PACS2: variants seen among roughly 807,000 people sequenced by gnomAD.
PACS2 encodes the protein phosphofurin acidic cluster sorting protein 2.
PACS2 carries 36 observed loss-of-function variants against 113.0 expected under a neutral mutation model. That is an observed-to-expected ratio of 0.32 (90% confidence interval 0.24 to 0.42). PACS2 has a LOEUF of 0.42. PACS2 is among the 10% of genes least tolerant of loss of function. The pLI is 1.00. For synonymous variants in PACS2, 589 were observed against 536.1 expected, an observed-to-expected ratio of 1.10 and a Z score of -1.36; for missense variants, 1,015 against 1,239.5, an observed-to-expected ratio of 0.82 and a Z score of 2.72.
intron 1 of PACS2, among the ~76,000 whole-genome samples, chr14:105,303,668 A>G (rs1374853255): frequency 6.6e-6 from 1 of 152,222 alleles, no homozygotes; most frequent in Non-Finnish European, 1.5e-5. Flanking sequence ...TGCACATTTC[A>G]ATGTGCTGTG....
rs190365374 is a variant in PACS2 at position 105,358,324 on chromosome 14, G to A, written c.423+3147G>A. 3.3e-5 allele frequency among the ~76,000 whole-genome samples: 5 copies of A among 152,328 alleles called. No homozygotes were observed. The highest frequency in any genetic ancestry group is 3.3e-4 in the Admixed American group (5 of 15,310). ...CATCAGGAGTGACCGCAGCCCCAGGGCCTGCTGGGCACGCGCCTCTGCCTG... is the reference window on the plus strand; with the variant it reads ...CATCAGGAGTGACCGCAGCCCCAGGACCTGCTGGGCACGCGCCTCTGCCTG... On this transcript the variant is annotated intron_variant, in intron 4 of 24. Coordinates refer to ENST00000447393, the MANE Select transcript of PACS2 (RefSeq NM_001100913.3). This position sits in a 1 kb window ranked among gnomAD's most constrained non-coding sequence, Gnocchi z 4.9.
At chr14:105,391,512 T>TTCCCCCCCCCCCCCC in intron 21 of PACS2, 119 bp from the exon 22 acceptor site, 2 of 611,308 alleles carry the variant, frequency 3.3e-6, no homozygotes, top group Non-Finnish European at 5.8e-6. Flanking sequence ...CACTGGGGAC[T>TTCCCCCCCCCCCCCC]CCCACCCTGC....
At chr14:105,364,320 C>CGGTGGGTGGTGTCCCGGGTGCGT (rs2060849302) in intron 4 of PACS2, among the ~76,000 whole-genome samples, 1 of 106,862 alleles carries the variant, frequency 9.4e-6, no homozygotes, top group African/African-American at 7.8e-5. Flanking sequence ...CCCGGGTGCG[C>CGGTGGGTGGTGTCCCGGGTGCGT]GGTGGGCGGC....
chr14:105,377,990 C>G (rs1312877117), intron 9 of PACS2, among the ~76,000 whole-genome samples: 1 of 152,230 alleles, frequency 6.6e-6, no homozygotes, highest in Non-Finnish European at 1.5e-5. Context: ...GCCCTGCCGC[C>G]TGGTGGCCGT....
In PACS2 at chr14:105,348,550, G is replaced by A. The variant is rs1555403151; in HGVS notation, c.177G>A (p.Leu59=). 1.9e-6 allele frequency: 3 copies of A among 1,612,310 alleles called. No individual in the cohort carries two copies. The East Asian group carries it at 6.7e-5, about 36-fold the overall frequency. ...LVVFKELEKE[L]ISVVIAVKMQ... ...TCTTCAAGGAGCTGGAGAAGGAGCT[G>A]ATCTCCGTGGTGATCGCTGTCAAGA... The change falls in exon 2 of 25, where the codon CTG becomes CTA. Residue 59 remains leucine (L), a synonymous_variant. Transcript: ENST00000447393. The surrounding 1 kb of genome is among the most constrained non-coding windows in gnomAD (Gnocchi z 6.4).
intron 4 of PACS2, among the ~76,000 whole-genome samples, chr14:105,362,773 C>G (rs1366093534): frequency 2.6e-5 from 4 of 151,884 alleles, no homozygotes; most frequent in African/African-American, 9.7e-5. Context: ...ATCGCTTGAA[C>G]CTGGGAGGCA....
chr14:105,373,829 T>G (rs1302082036), intron 8 of PACS2, among the ~76,000 whole-genome samples: 1 of 151,376 alleles, frequency 6.6e-6, no homozygotes, highest in Non-Finnish European at 1.5e-5. Context: ...CACACCATAT[T>G]CAAGAATTAA....
Position 105,397,622 on chromosome 14 carries a change from C to G in PACS2, c.*2950C>G, listed in dbSNP as rs1175692049. On this transcript the variant is annotated 3_prime_UTR_variant, in exon 25 of 25. Coordinates refer to ENST00000447393, the MANE Select transcript of PACS2 (RefSeq NM_001100913.3). ...ATGTTGGTCCCCTTGGCCACTGTCTCTGGGCATGCAAGCCAGTGTCCTGGT... is the reference window on the plus strand; with the variant it reads ...ATGTTGGTCCCCTTGGCCACTGTCTGTGGGCATGCAAGCCAGTGTCCTGGT... 6.6e-6 allele frequency: 1 copy of G among 152,532 alleles called. No individual in the cohort carries two copies. The highest frequency in any genetic ancestry group is 2.4e-5 in the African/African-American group (1 of 41,464). 9.4% of individuals were successfully genotyped at this position (152,532 alleles called of 1,614,324 possible). A position where few individuals can be genotyped will look rare whatever the true frequency, so the allele number is the denominator to read the frequency against.
chr14:105,388,283 G>A (rs1319033148), intron 19 of PACS2, among the ~76,000 whole-genome samples: 1 of 152,248 alleles, frequency 6.6e-6, no homozygotes, highest in Non-Finnish European at 1.5e-5. Flanking sequence ...TCACACTGGC[G>A]CTGCGAAGAC....
rs782549623 is a variant in PACS2, at chr14:105,392,787, G to C, written c.2424G>C (p.Glu808Asp). Residue 808 changes from glutamate (E) to aspartate (D), a missense_variant, in exon 23 of 25, where the codon GAG becomes GAC. Physicochemically the swap from Glu to Asp is conservative, Grantham distance 45. Coordinates refer to ENST00000447393, the MANE Select transcript of PACS2 (RefSeq NM_001100913.3). ...LQVSRLPSSG[E>D]AAATPTMSMT... is the part of the protein sequence containing the mutation. Reference sequence around the variant, plus strand: ...TCAGCAGGCTGCCCAGCAGCGGCGAGGCTGCAGCCACGCCCACCATGTCCA... The same window carrying C: ...TCAGCAGGCTGCCCAGCAGCGGCGACGCTGCAGCCACGCCCACCATGTCCA... The C allele has an allele frequency of 6.2e-7, 1 of 1,610,564 alleles. No homozygotes were observed. Among genetic ancestry groups the C allele is most frequent in the Non-Finnish European group, 8.5e-7 (1 of 1,179,984 alleles).
intron 1 of PACS2, among the ~76,000 whole-genome samples, chr14:105,322,552 C>T (rs587666554): frequency 7.5e-4 from 115 of 152,368 alleles, no homozygotes; most frequent in Middle Eastern, 3.4e-3. Flanking sequence ...AGGCATAAGC[C>T]ACCACGCCCA....
Position 105,329,728 on chromosome 14 carries a change from G to T in PACS2, c.119+14691G>T, listed in dbSNP as rs1468417354. On this transcript the variant is annotated intron_variant, in intron 1 of 24. Coordinates refer to ENST00000447393, the MANE Select transcript of PACS2 (RefSeq NM_001100913.3). This position sits in a 1 kb window ranked among gnomAD's most constrained non-coding sequence, Gnocchi z 6.4. ...GTGACTTGCAAACAGGCCTTGCAGG[G>T]CTCTAGTGTATCAGCTCCCGGACTG... 6.6e-6 allele frequency among the ~76,000 whole-genome samples: 1 copy of T among 152,166 alleles called. No individual in the cohort carries two copies. The highest frequency in any genetic ancestry group is 6.5e-5 in the Admixed American group (1 of 15,284).
At chr14:105,339,858 G>A (rs1396524997) in intron 1 of PACS2, among the ~76,000 whole-genome samples, 1 of 152,226 alleles carries the variant, frequency 6.6e-6, no homozygotes, top group Admixed American at 6.5e-5. Context: ...TGGCCAGGCT[G>A]GTTTCAAACT....
chr14:105,383,927 C>T (rs1015918388), intron 16 of PACS2: 29 of 267,144 alleles, frequency 1.1e-4, no homozygotes, highest in Non-Finnish European at 1.6e-4. Context: ...CCTGTGTCGT[C>T]GAACTCCATT....
chr14:105,316,127 C>A (rs587640961), intron 1 of PACS2, among the ~76,000 whole-genome samples: 1 of 152,282 alleles, frequency 6.6e-6, no homozygotes, highest in Non-Finnish European at 1.5e-5. Flanking sequence ...CCTCCTGGAG[C>A]GCAGGGTTGG....
intron 4 of PACS2, among the ~76,000 whole-genome samples, chr14:105,363,871 T>C (rs782161425): frequency 1.3e-5 from 2 of 151,890 alleles, no homozygotes; most frequent in Non-Finnish European, 2.9e-5. Flanking sequence ...TAGGGGCCCG[T>C]AGAGTTAGTA....
At position 105,314,949 on chromosome 14, in the gene PACS2, G is replaced by A. The variant is rs2058500850; in HGVS notation, c.31G>A (p.Gly11Ser). 8.5e-6 allele frequency: 10 copies of A among 1,172,882 alleles called. No individual in the cohort carries two copies. Among genetic ancestry groups the A allele is most frequent in the East Asian group, 6.3e-5 (1 of 15,792 alleles). The allele number at this position is 1,172,882 out of a possible 1,614,324, so 72.7% of individuals were successfully genotyped here. Residue 11 changes from glycine (G) to serine (S), a missense_variant, in exon 1 of 25, where the codon GGC (glycine) becomes AGC (serine). Transcript: ENST00000447393. ...CGAGCGAGGCCGCCTCGGCCTCCCC[G>A]GCGCGCCCGGCGCGCTCAACACGCC... MAERGRLGLP[G>S]APGALNTPVP... is the part of the protein sequence containing the mutation.
At chr14:105,363,619 G>T (rs1363967933) in intron 4 of PACS2, among the ~76,000 whole-genome samples, 1 of 152,078 alleles carries the variant, frequency 6.6e-6, no homozygotes, top group Non-Finnish European at 1.5e-5. Context: ...TCTTCATCCC[G>T]GCCACTCACT....
At chr14:105,304,387 C>G (rs1012133878) in intron 1 of PACS2, among the ~76,000 whole-genome samples, 1 of 152,096 alleles carries the variant, frequency 6.6e-6, no homozygotes, top group African/African-American at 2.4e-5. Flanking sequence ...ACTCGGGAGG[C>G]TGAGGCAGGA....
Sources: gnomAD v4.1 joint callset for allele counts (sites outside exome capture counted in the v4.1 genomes callset) on GRCh38, gnomAD v4.1.1 for gene constraint, Gnocchi (gnomAD v3.1) non-coding constraint, MANE v1.5 for transcripts, NCBI Gene and HGNC (gene_info 2026-07-23, HGNC 2026-07-21) for gene names.